DLEC1: variants seen among roughly 807,000 people sequenced by gnomAD.
DLEC1 encodes the protein DLEC1 cilia and flagella associated protein.
Under a neutral mutation model 198.1 loss-of-function variants are expected in DLEC1, and 146 were observed. The observed-to-expected ratio is 0.74, with a 90% CI of 0.64 to 0.85. DLEC1 has a LOEUF of 0.85. DLEC1 is among the 40% of genes least tolerant of loss of function. The probability of loss-of-function intolerance (pLI) is 0.00; values close to 1 mark genes in which losing one functional copy is unlikely to be tolerated. For missense variants in DLEC1, 2,233 were observed against 2,220.0 expected, an observed-to-expected ratio of 1.01 and a Z score of -0.12; for synonymous variants, 897 against 866.8, an observed-to-expected ratio of 1.03 and a Z score of -0.61.
chr3:38,096,002 G>C, intron 14 of DLEC1, 56 bp downstream of exon 14: 1 of 1,603,314 alleles, frequency 6.2e-7, no homozygotes, highest in Non-Finnish European at 8.5e-7. Context: ...CCCCCACCTT[G>C]GGGGTTCTCC....
chr3:38,071,481 A>G (rs895179499), intron 6 of DLEC1, among the ~76,000 whole-genome samples: 12 of 152,224 alleles, frequency 7.9e-5, no homozygotes, highest in South Asian at 2.1e-4. Flanking sequence ...TGAGGCTGGA[A>G]GGAGGTATTT....
chr3:38,082,487 C>A (rs887118978), intron 6 of DLEC1, among the ~76,000 whole-genome samples: 2 of 152,116 alleles, frequency 1.3e-5, no homozygotes, highest in African/African-American at 2.4e-5. Flanking sequence ...CGTCCCGGTT[C>A]GGGTGTTCTT....
At chr3:38,063,279 T>G (rs1209325846) in intron 5 of DLEC1, among the ~76,000 whole-genome samples, 1 of 152,212 alleles carries the variant, frequency 6.6e-6, no homozygotes, top group African/African-American at 2.4e-5. Flanking sequence ...ATTAGACAAC[T>G]AATATTTTTT....
At chr3:38,084,437 G>GGTTGTGGTAGTAGTAGTGGTAGTAGTA (rs1698275104) in intron 7 of DLEC1, among the ~76,000 whole-genome samples, 192 bp downstream of exon 7, 2 of 2,176 alleles carry the variant, frequency 9.2e-4, no homozygotes, top group African/African-American at 5.5e-3. Context: ...TAGTAGTAGT[G>GGTTGTGGTAGTAGTAGTGGTAGTAGTA]GTGGTGGTGG....
chr3:38,051,373 T>A (rs998592410), intron 2 of DLEC1, among the ~76,000 whole-genome samples: 1 of 152,172 alleles, frequency 6.6e-6, no homozygotes, highest in Non-Finnish European at 1.5e-5. Flanking sequence ...CACCTGTCCC[T>A]GCTGCCTGCT....
Position 38,116,574 on chromosome 3 carries a change from C to T in DLEC1, c.3978C>T (p.Cys1326=). The T allele has an allele frequency of 6.2e-7, 1 of 1,614,138 alleles. No homozygotes were observed. Among genetic ancestry groups the T allele is most frequent in the Non-Finnish European group, 8.5e-7 (1 of 1,179,998 alleles). The part of the protein sequence containing the change: ...LRDQAGNELV[C]PDTPEGGCLL... ...ACCAAGCCGGGAATGAGCTTGTGTGCCCTGATACCCCTGAGGGTGGCTGCC... is the reference window on the plus strand; with the variant it reads ...ACCAAGCCGGGAATGAGCTTGTGTGTCCTGATACCCCTGAGGGTGGCTGCC... Residue 1326 remains cysteine, a synonymous_variant, in exon 28 of 37, where the codon TGC becomes TGT. Coordinates refer to ENST00000308059, the MANE Select transcript of DLEC1 (RefSeq NM_007335.4).
At chr3:38,064,441 C>T (rs1696883715) in intron 6 of DLEC1, among the ~76,000 whole-genome samples, 1 of 152,250 alleles carries the variant, frequency 6.6e-6, no homozygotes, top group South Asian at 2.1e-4. Flanking sequence ...AATCTGATCT[C>T]TCTTTCTTTT....
Position 38,062,176 on chromosome 3 carries a change from C to G in DLEC1, c.681C>G (p.Ser227=), listed in dbSNP as rs1696720462. ...GTTTCCTTGATGCTGTAGGCATCTC[C>G]CTACCTGGATGTTCAAAACTGACAT... is the stretch of plus-strand genomic sequence containing the variant. ...VPFHSAPKGI[S]LPGCSKLTFS... Residue 227 remains serine (S), a synonymous_variant, in exon 4 of 37, where the codon TCC becomes TCG. Coordinates refer to ENST00000308059, the MANE Select transcript of DLEC1 (RefSeq NM_007335.4). The G allele has an allele frequency of 6.2e-7, 1 of 1,614,008 alleles. No individual in the cohort carries two copies. The highest frequency in any genetic ancestry group is 1.3e-5 in the African/African-American group (1 of 74,910).
chr3:38,118,263 T>C (rs945651607), intron 33 of DLEC1, among the ~76,000 whole-genome samples: 1 of 152,172 alleles, frequency 6.6e-6, no homozygotes. Context: ...CATACATGCA[T>C]GCACGTGCTC....
chr3:38,096,221 C>G (rs889489396), intron 14 of DLEC1, among the ~76,000 whole-genome samples: 1 of 152,182 alleles, frequency 6.6e-6, no homozygotes, highest in African/African-American at 2.4e-5. Flanking sequence ...ACTGGGGGGC[C>G]CTCGGTGGTG....
chr3:38,089,577 G>C (rs1057002845), intron 10 of DLEC1, among the ~76,000 whole-genome samples: 1 of 152,132 alleles, frequency 6.6e-6, no homozygotes, highest in African/African-American at 2.4e-5. Context: ...GGCAGGTTGG[G>C]TCTACAAGGC....
In DLEC1 at chr3:38,085,302, G is replaced by A; in HGVS notation, c.1290G>A (p.Val430=). 3.7e-6 allele frequency: 6 copies of A among 1,614,124 alleles called. No homozygotes were observed. The highest frequency in any genetic ancestry group is 5.1e-6 in the Non-Finnish European group (6 of 1,180,012). Residue 430 remains valine (V), a synonymous_variant, in exon 8 of 37, where the codon GTG becomes GTA. Transcript: ENST00000308059. ...TGTTCCCAGGAAAAGGTGGAATGGT[G>A]GCTCCTGGAATGACCTGCCAGTACA... ...LGMFPGKGGM[V]APGMTCQYIV...
chr3:38,114,427 CTA>C lies in DLEC1; in HGVS notation c.3754_3755del (p.Ile1252Ter). On this transcript the variant is annotated frameshift_variant, in exon 26 of 37. Transcript: ENST00000308059. LOFTEE classifies it high-confidence loss of function. The stretch of plus-strand genomic sequence containing the variant: ...AGCTCCCTGAGGACCACCTCCTACA[CTA>C]TTGACCAGGCCCAGAAGGAACCAGC... 1 of 1,614,230 alleles carries C rather than the reference CTA, an allele frequency of 6.2e-7. No homozygotes were observed. Among genetic ancestry groups the C allele is most frequent in the African/African-American group, 1.3e-5 (1 of 75,062 alleles).
At chr3:38,065,208 C>T (rs1359324337) in intron 6 of DLEC1, among the ~76,000 whole-genome samples, 1 of 152,262 alleles carries the variant, frequency 6.6e-6, no homozygotes, top group African/African-American at 2.4e-5. Context: ...CGTGGCGGCG[C>T]ACGCCTGCAA....
At chr3:38,072,490 C>T (rs186925996) in intron 6 of DLEC1, among the ~76,000 whole-genome samples, 210 of 151,936 alleles carry the variant, frequency 1.4e-3, no homozygotes, top group African/African-American at 4.1e-3. Context: ...CCCTGCACTT[C>T]GGCTGTGTGT....
intron 19 of DLEC1, 25 bp from the exon 20 acceptor site, chr3:38,107,559 T>C: frequency 6.4e-7 from 1 of 1,566,466 alleles, no homozygotes. Context: ...CTAATCAGTA[T>C]GCCTTTTGTT....
intron 17 of DLEC1, 28 bp from the exon 18 acceptor site, chr3:38,097,716 C>G: frequency 6.2e-7 from 1 of 1,613,430 alleles, no homozygotes; most frequent in Non-Finnish European, 8.5e-7. Flanking sequence ...CCCAGGTGGC[C>G]CAGTGACAGG....
At chr3:38,110,415 A>G in intron 23 of DLEC1, 134 bp downstream of exon 23, 1 of 1,117,940 alleles carries the variant, frequency 8.9e-7, no homozygotes, top group Non-Finnish European at 1.3e-6. Flanking sequence ...ACAGGTAGAC[A>G]TGGGGACAGG....
At chr3:38,091,225 A>G (rs1481055443) in intron 10 of DLEC1, among the ~76,000 whole-genome samples, 1 of 152,134 alleles carries the variant, frequency 6.6e-6, no homozygotes, top group African/African-American at 2.4e-5. Flanking sequence ...GCACTTTGGG[A>G]GGCTGAGGTG....
Sources: gnomAD v4.1 joint callset for allele counts (sites outside exome capture counted in the v4.1 genomes callset) on GRCh38, gnomAD v4.1.1 for gene constraint, MANE v1.5 for transcripts, NCBI Gene and HGNC (gene_info 2026-07-23, HGNC 2026-07-21) for gene names.